The following GRID2 variants were observed in gnomAD, a reference collection of about 807,000 sequenced individuals.
GRID2 encodes the protein glutamate ionotropic receptor delta type subunit 2.
In GRID2, 33 loss-of-function variants were observed where a neutral mutation model predicts 114.8. The observed-to-expected ratio is 0.29, with a 90% CI of 0.22 to 0.38. The LOEUF is 0.38. Among genes scored for constraint, GRID2 ranks in the 10% least tolerant of loss-of-function variants. GRID2 has a pLI of 1.00. For missense variants in GRID2, 1,184 were observed against 1,257.7 expected, an observed-to-expected ratio of 0.94 and a Z score of 0.89; for synonymous variants, 505 against 449.9, an observed-to-expected ratio of 1.12 and a Z score of -1.55.
At chr4:92,372,304 C>G (rs964176892) in intron 1 of GRID2, among the ~76,000 whole-genome samples, 1 of 152,068 alleles carries the variant, frequency 6.6e-6, no homozygotes, top group African/African-American at 2.4e-5. Context: ...AATAGTATTG[C>G]ATGCTACAGA....
intron 7 of GRID2, among the ~76,000 whole-genome samples, chr4:93,229,787 T>C (rs1745903164): frequency 6.6e-6 from 1 of 152,100 alleles, no homozygotes; most frequent in Non-Finnish European, 1.5e-5. Context: ...AGTATAAATG[T>C]CTAGTAATGG....
At chr4:93,214,910 T>C (rs1744007864) in intron 5 of GRID2, among the ~76,000 whole-genome samples, 1 of 152,060 alleles carries the variant, frequency 6.6e-6, no homozygotes. Flanking sequence ...AATATGGGCA[T>C]GTATAACTTC....
chr4:93,698,789 A>T (rs756819001), intron 14 of GRID2, among the ~76,000 whole-genome samples: 1 of 152,106 alleles, frequency 6.6e-6, no homozygotes, highest in Non-Finnish European at 1.5e-5. Context: ...ATAATTTTCC[A>T]CTAAAAGAAT....
intron 2 of GRID2, among the ~76,000 whole-genome samples, chr4:92,747,646 T>C (rs1156624813): frequency 6.6e-6 from 1 of 152,180 alleles, no homozygotes; most frequent in Non-Finnish European, 1.5e-5. Flanking sequence ...TTCTTTTATA[T>C]TATACAAGAA....
intron 8 of GRID2, among the ~76,000 whole-genome samples, chr4:93,312,760 A>G (rs189811392): frequency 6.6e-6 from 1 of 152,324 alleles, no homozygotes; most frequent in Non-Finnish European, 1.5e-5. Context: ...TGAATATAAT[A>G]TAAAAGCAAA....
chr4:93,230,516 T>G (rs1300728471), intron 7 of GRID2, among the ~76,000 whole-genome samples: 1 of 152,170 alleles, frequency 6.6e-6, no homozygotes, highest in African/African-American at 2.4e-5. Flanking sequence ...ATTAAGTTGT[T>G]TTTATTAGTA....
intron 1 of GRID2, among the ~76,000 whole-genome samples, chr4:92,428,218 C>T (rs974397721): frequency 3.9e-5 from 6 of 151,932 alleles, no homozygotes; most frequent in Non-Finnish European, 4.4e-5. Flanking sequence ...GCTGAGATCA[C>T]GCCACTGCAC....
intron 2 of GRID2, among the ~76,000 whole-genome samples, chr4:93,018,848 T>C (rs1723015475): frequency 6.6e-6 from 1 of 152,032 alleles, no homozygotes; most frequent in South Asian, 2.1e-4. Context: ...TAGGAGCACA[T>C]TGACATAGGT....
intron 1 of GRID2, among the ~76,000 whole-genome samples, chr4:92,555,843 A>G (rs188901508): frequency 1.3e-5 from 2 of 152,082 alleles, no homozygotes; most frequent in African/African-American, 4.8e-5. Flanking sequence ...AAAAGTTTGC[A>G]TTTCACCCTT....
chr4:92,761,529 T>C (rs1371434810), intron 2 of GRID2, among the ~76,000 whole-genome samples: 1 of 152,162 alleles, frequency 6.6e-6, no homozygotes, highest in East Asian at 1.9e-4. Context: ...AGGTCAAAAG[T>C]GACCAAATAT....
At chr4:93,141,272 T>TCTTTCTCCC (rs1735745139) in intron 4 of GRID2, among the ~76,000 whole-genome samples, 2 of 152,188 alleles carry the variant, frequency 1.3e-5, no homozygotes, top group Admixed American at 1.3e-4. Context: ...ACATATGTAG[T>TCTTTCTCCC]CTTTCTCCCT....
chr4:92,307,652 T>G (rs995937393), intron 1 of GRID2, among the ~76,000 whole-genome samples: 1 of 152,172 alleles, frequency 6.6e-6, no homozygotes, highest in Non-Finnish European at 1.5e-5. Context: ...TAAACCATAA[T>G]GATTGAAATG....
chr4:93,792,033 G>C (rs1232667980), intron 1 of GRID2, among the ~76,000 whole-genome samples: 1 of 152,008 alleles, frequency 6.6e-6, no homozygotes, highest in Non-Finnish European at 1.5e-5. Context: ...CTTTCAAAAG[G>C]GTTGAGTGTA....
intron 2 of GRID2, among the ~76,000 whole-genome samples, chr4:92,605,046 A>G (rs1390941183): frequency 3.9e-5 from 6 of 152,046 alleles, no homozygotes; most frequent in Admixed American, 1.3e-4. Flanking sequence ...TACCTTGTGA[A>G]GAAGATGCCT....
At position 92,588,757 on chromosome 4, in the gene GRID2, T is replaced by C. The variant is rs1436673185; in HGVS notation, c.89-1374T>C. Among the ~76,000 whole-genome samples the C allele has an allele frequency of 2.0e-5, 3 of 148,320 alleles. No homozygotes were observed. The East Asian group carries it at 6.1e-4, about 30-fold the overall frequency. Reference sequence around the variant, plus strand: ...GCCATGGACAGGTATTCAAAATATATAGGAAACAAGGCTATGGCTTGAGGA... The same window carrying C: ...GCCATGGACAGGTATTCAAAATATACAGGAAACAAGGCTATGGCTTGAGGA... On this transcript the variant is annotated intron_variant, in intron 1 of 15. Transcript: ENST00000282020.
intron 2 of GRID2, among the ~76,000 whole-genome samples, chr4:92,997,587 A>G (rs1755281538): frequency 6.6e-6 from 1 of 152,186 alleles, no homozygotes; most frequent in South Asian, 2.1e-4. Flanking sequence ...GTTGAAGAGG[A>G]TATGGATTGT....
intron 1 of GRID2, among the ~76,000 whole-genome samples, chr4:92,461,766 CTTT>C (rs1014457579): frequency 6.6e-6 from 1 of 151,818 alleles, no homozygotes; most frequent in African/African-American, 2.4e-5. Flanking sequence ...ATCATTTCAT[CTTT>C]TTTAATATAT....
chr4:93,570,316 A>G (rs965271904), intron 13 of GRID2, among the ~76,000 whole-genome samples: 2 of 152,110 alleles, frequency 1.3e-5, no homozygotes, highest in Non-Finnish European at 2.9e-5. Context: ...ATTCAGCCTC[A>G]CTGTTGACTC....
At chr4:93,753,566 T>C (rs1406930816) in intron 14 of GRID2, among the ~76,000 whole-genome samples, 1 of 152,158 alleles carries the variant, frequency 6.6e-6, no homozygotes, top group Non-Finnish European at 1.5e-5. Flanking sequence ...ATTGTTCAGT[T>C]CCCACCTATG....
Sources: allele counts gnomAD v4.1 joint callset (sites outside exome capture counted in the v4.1 genomes callset), GRCh38; gene constraint gnomAD v4.1.1; transcripts MANE v1.5; gene names NCBI Gene and HGNC (gene_info 2026-07-23, HGNC 2026-07-21).